PARVA: variants seen among roughly 807,000 people sequenced by gnomAD.
PARVA encodes the protein parvin alpha.
PARVA carries 25 observed loss-of-function variants against 52.6 expected under a neutral mutation model. The observed-to-expected ratio is 0.48, with a 90% CI of 0.35 to 0.66. PARVA has a LOEUF of 0.66. Ranked by LOEUF, PARVA falls within the 30% of genes least tolerant of loss-of-function variation. The pLI is 0.01. For missense variants in PARVA, 373 were observed against 450.9 expected (o/e 0.83, Z 1.56); for synonymous variants, 185 against 179.1 (o/e 1.03, Z -0.26).
intron 4 of PARVA, among the ~76,000 whole-genome samples, chr11:12,488,928 A>G (rs923028565): frequency 6.6e-6 from 1 of 152,222 alleles, no homozygotes; most frequent in African/African-American, 2.4e-5. Flanking sequence ...TATGACCTCA[A>G]AATTAGAAAT....
intron 1 of PARVA, 74 bp downstream of exon 1, chr11:12,377,857 G>A (rs1939422765): frequency 1.7e-6 from 2 of 1,145,814 alleles, no homozygotes; most frequent in Admixed American, 4.2e-5. Context: ...CCGGGGCACT[G>A]GGACCGGGCG....
intron 4 of PARVA, among the ~76,000 whole-genome samples, chr11:12,491,010 A>G (rs1324447798): frequency 6.6e-6 from 1 of 152,062 alleles, no homozygotes; most frequent in Non-Finnish European, 1.5e-5. Context: ...CATTAATCCA[A>G]AAAAAAACAA....
chr11:12,495,401 A>G (rs999053439), intron 4 of PARVA, among the ~76,000 whole-genome samples: 1 of 152,246 alleles, frequency 6.6e-6, no homozygotes, highest in African/African-American at 2.4e-5. Context: ...GAAAATATTG[A>G]TACATAGTAA....
chr11:12,482,094 TGCA>T (rs1201378657), intron 4 of PARVA, among the ~76,000 whole-genome samples: 1 of 147,128 alleles, frequency 6.8e-6, no homozygotes, highest in African/African-American at 2.5e-5. Context: ...AGGCAGAGGT[TGCA>T]GCAAGCCGAG....
intron 12 of PARVA, among the ~76,000 whole-genome samples, chr11:12,523,894 G>A (rs1941669014): frequency 1.3e-5 from 2 of 152,194 alleles, no homozygotes; most frequent in Non-Finnish European, 2.9e-5. Context: ...TATATTCCCA[G>A]GAATCCACAG....
At chr11:12,400,354 A>G (rs1327499644) in intron 1 of PARVA, among the ~76,000 whole-genome samples, 1 of 152,164 alleles carries the variant, frequency 6.6e-6, no homozygotes, top group Admixed American at 6.5e-5. Flanking sequence ...CTTTTGCTTT[A>G]TAATTAGTTG....
At chr11:12,456,481 A>G (rs1940698337) in intron 1 of PARVA, among the ~76,000 whole-genome samples, 1 of 152,062 alleles carries the variant, frequency 6.6e-6, no homozygotes. Context: ...ACCTGTTCCC[A>G]GCCATCCTAC....
chr11:12,443,431 A>G (rs1487692831), intron 1 of PARVA, among the ~76,000 whole-genome samples: 1 of 151,932 alleles, frequency 6.6e-6, no homozygotes, highest in Admixed American at 6.6e-5. Flanking sequence ...TGGCCTCCCA[A>G]AGTGCTGGGA....
At position 12,527,851 on chromosome 11, in the gene PARVA, A is replaced by C; in HGVS notation, c.1045A>C (p.Ile349Leu). 6.2e-7 allele frequency: 1 copy of C among 1,612,416 alleles called. No individual in the cohort carries two copies. Among genetic ancestry groups the C allele is most frequent in the Middle Eastern group, 1.7e-4 (1 of 5,964 alleles). ...GGTGTTTTTTGTTTTCTACGCAGACATAGTCAACTGTGACCTGAAATCTAC... is the reference window on the plus strand; with the variant it reads ...GGTGTTTTTTGTTTTCTACGCAGACCTAGTCAACTGTGACCTGAAATCTAC... Reference protein sequence around the residue: ...LEKPKPRPEDIVNCDLKSTLR... With the variant: ...LEKPKPRPEDLVNCDLKSTLR... Residue 349 changes from isoleucine to leucine, a missense_variant and splice_region_variant, in exon 13 of 13, where the codon ATA becomes CTA. Transcript: ENST00000334956.
intron 1 of PARVA, among the ~76,000 whole-genome samples, chr11:12,385,526 T>C (rs2134947331): frequency 6.6e-6 from 1 of 152,258 alleles, no homozygotes; most frequent in African/African-American, 2.4e-5. Context: ...TCTGGGCAAC[T>C]AAAAAGATGA....
At chr11:12,459,097 G>A (rs1035591868) in intron 1 of PARVA, among the ~76,000 whole-genome samples, 13 of 152,142 alleles carry the variant, frequency 8.5e-5, no homozygotes, top group East Asian at 1.9e-4. Context: ...GAAGTTTTCC[G>A]GATGTTGGCT....
At chr11:12,515,658 T>A (rs1169559015) in intron 10 of PARVA, among the ~76,000 whole-genome samples, 2 of 152,124 alleles carry the variant, frequency 1.3e-5, no homozygotes, top group East Asian at 3.9e-4. Flanking sequence ...CAGATTGGAT[T>A]CTTTTACTCC....
In PARVA at chr11:12,517,593, C is replaced by T; in HGVS notation, c.868-17C>T. On this transcript the variant is annotated splice_polypyrimidine_tract_variant and intron_variant, in intron 10 of 12. Transcript: ENST00000334956. The stretch of plus-strand genomic sequence containing the variant: ...GGAGGCTCAGGGGCCAGTGCCATCA[C>T]CTGGCTCTTCCTCCAGTTTGCAGAT... 6.4e-7 allele frequency: 1 copy of T among 1,560,226 alleles called. No individual in the cohort carries two copies. The highest frequency in any genetic ancestry group is 8.7e-7 in the Non-Finnish European group (1 of 1,146,218).
At chr11:12,425,396 G>A (rs889435088) in intron 1 of PARVA, among the ~76,000 whole-genome samples, 3 of 152,022 alleles carry the variant, frequency 2.0e-5, no homozygotes, top group Non-Finnish European at 2.9e-5. Flanking sequence ...CCCTCACCCC[G>A]CAGTTTCCCC....
intron 12 of PARVA, among the ~76,000 whole-genome samples, chr11:12,520,842 C>T (rs966304840): frequency 5.3e-5 from 8 of 152,018 alleles, no homozygotes; most frequent in Non-Finnish European, 1.5e-5. Flanking sequence ...GTCCCAGCTC[C>T]TCGGGAGGCT....
chr11:12,500,166 T>C (rs577672466), intron 5 of PARVA, among the ~76,000 whole-genome samples: 2 of 152,328 alleles, frequency 1.3e-5, no homozygotes, highest in South Asian at 4.1e-4. Flanking sequence ...CCAATTTCTG[T>C]TTCCACCACA....
At position 12,423,295 on chromosome 11, in the gene PARVA, C is replaced by T. The variant is rs552054227; in HGVS notation, c.136+45512C>T. On this transcript the variant is annotated intron_variant, in intron 1 of 12. Coordinates refer to ENST00000334956, the MANE Select transcript of PARVA (RefSeq NM_018222.5). ...CAGGGCTCAAGCCATTCTTCCACCC[C>T]AGTCTCCTGAGTAGCTAGGACCACA... Among the ~76,000 whole-genome samples, 5 of 151,666 alleles carry T rather than the reference C, an allele frequency of 3.3e-5. No individual in the cohort carries two copies. In the South Asian group the frequency reaches 8.4e-4, roughly 25 times the overall value.
intron 1 of PARVA, among the ~76,000 whole-genome samples, chr11:12,388,420 GAGAGGCCGTGGATGGA>G (rs1163608977): frequency 1.3e-5 from 2 of 152,246 alleles, no homozygotes; most frequent in Admixed American, 1.3e-4. Flanking sequence ...TTAGGGCAAT[GAGAGGCCGTGGATGGA>G]AGAGGCAGTG....
At position 12,531,252 on chromosome 11, in the gene PARVA, T is replaced by G. The variant is rs1941769012; in HGVS notation, c.*3327T>G. ...AGAAGGCTTCTTTATCAGCACATCA[T>G]CAGTGTTGCCTCGAGTTGGTTGCAA... is the stretch of plus-strand genomic sequence containing the variant. On this transcript the variant is annotated 3_prime_UTR_variant, in exon 13 of 13. Coordinates refer to ENST00000334956, the MANE Select transcript of PARVA (RefSeq NM_018222.5). Among the ~76,000 whole-genome samples the G allele has an allele frequency of 6.6e-6, 1 of 152,212 alleles. No homozygotes were observed. Among genetic ancestry groups the G allele is most frequent in the Admixed American group, 6.5e-5 (1 of 15,286 alleles).
Sources: gnomAD v4.1 joint callset for allele counts (sites outside exome capture counted in the v4.1 genomes callset) on GRCh38, gnomAD v4.1.1 for gene constraint, MANE v1.5 for transcripts, NCBI Gene and HGNC (gene_info 2026-07-23, HGNC 2026-07-21) for gene names.